Variants in GSG1L observed in about 807,000 individuals in gnomAD.
GSG1L encodes germ cell-specific gene 1-like protein.
GSG1L carries 24 observed loss-of-function variants against 42.1 expected under a neutral mutation model. The ratio of observed to expected loss-of-function variants is 0.57; its 90% CI spans 0.41 to 0.80. GSG1L has a LOEUF of 0.80. GSG1L is among the 30% of genes least tolerant of loss of function. GSG1L has a pLI of 0.00. For missense variants in GSG1L, 445 were observed against 472.2 expected, an observed-to-expected ratio of 0.94 and a Z score of 0.53; for synonymous variants, 215 against 203.5, an observed-to-expected ratio of 1.06 and a Z score of -0.48.
At chr16:27,924,212 C>G (rs186647926) in intron 2 of GSG1L, among the ~76,000 whole-genome samples, 1 of 150,930 alleles carries the variant, frequency 6.6e-6, no homozygotes, top group East Asian at 2.0e-4. Flanking sequence ...ACATTATATA[C>G]AGTATTATAT....
rs2086093611 is a variant in GSG1L at position 28,040,511 on chromosome 16, A to G, written c.349+22565T>C. On this transcript the variant is annotated intron_variant, in intron 1 of 6. Transcript: ENST00000447459. This position sits in a 1 kb window ranked among gnomAD's most constrained non-coding sequence, Gnocchi z 4.1. ...CATCTTGTTCACCACTGTATTCTCA[A>G]CATCAATAATAATAATAATAGAAAA... 6.6e-6 allele frequency among the ~76,000 whole-genome samples: 1 copy of G among 152,228 alleles called. No individual in the cohort carries two copies. Among genetic ancestry groups the G allele is most frequent in the Admixed American group, 6.5e-5 (1 of 15,288 alleles).
intron 1 of GSG1L, among the ~76,000 whole-genome samples, chr16:28,022,151 T>C (rs2085850758): frequency 6.6e-6 from 1 of 152,142 alleles, no homozygotes; most frequent in African/African-American, 2.4e-5. Flanking sequence ...AACACCAGGA[T>C]AGTGGATACG....
chr16:27,980,558 C>G (rs1209756709), intron 1 of GSG1L, among the ~76,000 whole-genome samples: 3 of 152,198 alleles, frequency 2.0e-5, no homozygotes, highest in Admixed American at 2.0e-4. Flanking sequence ...TATGAGGCAG[C>G]TCCTATGACC....
At chr16:27,814,919 T>C (rs1279803021) in intron 5 of GSG1L, among the ~76,000 whole-genome samples, 2 of 152,008 alleles carry the variant, frequency 1.3e-5, no homozygotes, top group African/African-American at 4.8e-5. Context: ...TCTGAAGACA[T>C]GAAGACAGAT....
At chr16:27,903,409 G>A (rs2084285654) in intron 2 of GSG1L, among the ~76,000 whole-genome samples, 1 of 152,292 alleles carries the variant, frequency 6.6e-6, no homozygotes, top group Non-Finnish European at 1.5e-5. Context: ...CTGTCTGGAT[G>A]GTGGAAACCA....
chr16:27,918,340 A>C (rs2084482887), intron 2 of GSG1L, among the ~76,000 whole-genome samples: 1 of 152,142 alleles, frequency 6.6e-6, no homozygotes, highest in Non-Finnish European at 1.5e-5. Context: ...TATGGGGCAA[A>C]CACAACAGAT....
rs56395297 is a variant in GSG1L, at chr16:27,987,945, C to CAAAAAAAAAAAAAAAAAAAA, written c.350-24762_350-24743dup. Among the ~76,000 whole-genome samples, 2 of 92,864 alleles carry CAAAAAAAAAAAAAAAAAAAA rather than the reference C, an allele frequency of 2.2e-5. 1 individual carries two copies. Among genetic ancestry groups the CAAAAAAAAAAAAAAAAAAAA allele is most frequent in the Non-Finnish European group, 4.1e-5 (2 of 49,336 alleles). 60.9% of individuals were successfully genotyped at this position (92,864 alleles called of 152,430 possible). On this transcript the variant is annotated intron_variant, in intron 1 of 6. Transcript: ENST00000447459. ...CTGGCAACAGAGCAAGACTCCGTCTCAAAAAAAAAAAAAAAAAAAAAACCG... is the reference window on the plus strand; with the variant it reads ...CTGGCAACAGAGCAAGACTCCGTCTCAAAAAAAAAAAAAAAAAAAAAAAAAAAAAAAAAAAAAAAAAACCG...
intron 2 of GSG1L, among the ~76,000 whole-genome samples, chr16:27,928,696 G>A (rs935820692): frequency 4.6e-5 from 7 of 152,152 alleles, no homozygotes; most frequent in African/African-American, 1.7e-4. Flanking sequence ...CGCCAAGCAG[G>A]CCCAGGCCTC....
At chr16:28,050,183 C>CT (rs11296654) in intron 1 of GSG1L, among the ~76,000 whole-genome samples, 27,587 of 147,306 alleles carry the variant, frequency 0.19, 3,063 homozygotes, top group South Asian at 0.45. Context: ...GAGAGCAAAT[C>CT]TTTTTTTTTT....
chr16:28,026,998 C>T (rs2085907696), intron 1 of GSG1L, among the ~76,000 whole-genome samples: 1 of 152,152 alleles, frequency 6.6e-6, no homozygotes, highest in African/African-American at 2.4e-5. Flanking sequence ...AGAAGAATTG[C>T]TTGAACCCGG....
chr16:27,799,906 G>A (rs1419983722), intron 6 of GSG1L, among the ~76,000 whole-genome samples: 6 of 152,180 alleles, frequency 3.9e-5, no homozygotes, highest in Non-Finnish European at 8.8e-5. Flanking sequence ...GGTATTGGCC[G>A]AGGGTTGAGG....
chr16:28,047,246 C>G (rs757193323), intron 1 of GSG1L, among the ~76,000 whole-genome samples: 1 of 152,012 alleles, frequency 6.6e-6, no homozygotes, highest in Non-Finnish European at 1.5e-5. Context: ...TCTCATCCTA[C>G]CAGGAAATAT....
At chr16:27,796,926 G>T (rs2082823931) in intron 6 of GSG1L, among the ~76,000 whole-genome samples, 1 of 152,140 alleles carries the variant, frequency 6.6e-6, no homozygotes, top group Non-Finnish European at 1.5e-5. Context: ...GTGAGATGCG[G>T]CCCTCCCCCC....
intron 5 of GSG1L, among the ~76,000 whole-genome samples, chr16:27,816,362 T>C (rs1283544961): frequency 6.6e-6 from 1 of 152,198 alleles, no homozygotes; most frequent in Non-Finnish European, 1.5e-5. Flanking sequence ...CACTGCCCTT[T>C]GCCCCAGAAG....
At chr16:27,844,807 C>G (rs1055226786) in intron 4 of GSG1L, 143 bp downstream of exon 4, 1 of 515,008 alleles carries the variant, frequency 1.9e-6, no homozygotes, top group African/African-American at 1.9e-5. Context: ...GGTCTTAAAG[C>G]GCCTTTGGAC....
chr16:27,971,826 T>A (rs895686712), intron 1 of GSG1L, among the ~76,000 whole-genome samples: 1 of 152,200 alleles, frequency 6.6e-6, no homozygotes, highest in Non-Finnish European at 1.5e-5. Context: ...TCCCTTCTAT[T>A]CCTACTTTGT....
At chr16:28,039,740 ACACT>A (rs1291031577) in intron 1 of GSG1L, among the ~76,000 whole-genome samples, 3 of 152,118 alleles carry the variant, frequency 2.0e-5, no homozygotes, top group Middle Eastern at 3.4e-3. Context: ...ACATGCACAC[ACACT>A]CACACATACA....
chr16:27,928,518 A>G (rs1241092008), intron 2 of GSG1L, among the ~76,000 whole-genome samples: 1 of 39,098 alleles, frequency 2.6e-5, no homozygotes, highest in Non-Finnish European at 5.4e-5. Flanking sequence ...AAAAGAAAAG[A>G]AAACAAAACA....
chr16:27,889,254 C>A (rs371323811), intron 2 of GSG1L, among the ~76,000 whole-genome samples: 1 of 152,092 alleles, frequency 6.6e-6, no homozygotes, highest in African/African-American at 2.4e-5. Context: ...CCTCCCAAAG[C>A]GCTGAAATTA....
Sources: gnomAD v4.1 joint callset for allele counts (sites outside exome capture counted in the v4.1 genomes callset) on GRCh38, gnomAD v4.1.1 for gene constraint, Gnocchi (gnomAD v3.1) non-coding constraint, MANE v1.5 for transcripts, NCBI Gene and HGNC (gene_info 2026-07-23, HGNC 2026-07-21) for gene names.